Variants in SEMA3E observed in about 807,000 individuals in gnomAD.
SEMA3E encodes the protein semaphorin 3E.
SEMA3E carries 49 observed loss-of-function variants against 93.6 expected under a neutral mutation model. That is an observed-to-expected ratio of 0.52 (90% CI 0.42 to 0.66). SEMA3E has a LOEUF of 0.66. SEMA3E is among the 30% of genes least tolerant of loss of function. SEMA3E has a pLI of 0.00. For missense variants in SEMA3E, 906 were observed against 964.8 expected (o/e 0.94, Z 0.81); for synonymous variants, 363 against 330.7 (o/e 1.10, Z -1.06).
chr7:83,506,388 T>C (rs1449690435), intron 1 of SEMA3E, among the ~76,000 whole-genome samples: 2 of 152,068 alleles, frequency 1.3e-5, no homozygotes, highest in Admixed American at 1.3e-4. Context: ...ATATCACATC[T>C]CACTTATTTG....
intron 2 of SEMA3E, among the ~76,000 whole-genome samples, chr7:83,476,853 C>A (rs1437395171): frequency 6.6e-6 from 1 of 151,998 alleles, no homozygotes; most frequent in Non-Finnish European, 1.5e-5. Context: ...AATCTCTGTA[C>A]CAAAAAAGAT....
chr7:83,591,152 T>A (rs898210999), intron 1 of SEMA3E, among the ~76,000 whole-genome samples: 4 of 146,446 alleles, frequency 2.7e-5, no homozygotes, highest in Non-Finnish European at 3.0e-5. Flanking sequence ...AATAGATAAG[T>A]AAATGTTTAG....
intron 1 of SEMA3E, among the ~76,000 whole-genome samples, chr7:83,512,188 T>C: frequency 6.6e-6 from 1 of 152,136 alleles, no homozygotes; most frequent in East Asian, 1.9e-4. Flanking sequence ...TCCTCCACCC[T>C]CTGAATTGAT....
intron 1 of SEMA3E, among the ~76,000 whole-genome samples, chr7:83,648,195 A>G (rs1445508204): frequency 6.6e-6 from 1 of 152,012 alleles, no homozygotes; most frequent in African/African-American, 2.4e-5. Context: ...TTACAGACAA[A>G]AATAACATCT....
intron 5 of SEMA3E, among the ~76,000 whole-genome samples, chr7:83,411,209 C>A (rs1435732448): frequency 6.6e-6 from 1 of 151,988 alleles, no homozygotes; most frequent in Non-Finnish European, 1.5e-5. Flanking sequence ...CTAGATAATA[C>A]CATATTCAGA....
chr7:83,452,620 T>A (rs1477575571), intron 4 of SEMA3E, among the ~76,000 whole-genome samples: 1 of 152,204 alleles, frequency 6.6e-6, no homozygotes, highest in Non-Finnish European at 1.5e-5. Context: ...GAAGTCTACC[T>A]TTCTAATAGC....
chr7:83,405,796 T>C (rs1439803440), intron 8 of SEMA3E, 149 bp downstream of exon 8: 1 of 710,744 alleles, frequency 1.4e-6, no homozygotes, highest in Non-Finnish European at 2.4e-6. Context: ...CCAGCATGCG[T>C]GCCTGGCCAA....
Position 83,648,823 on chromosome 7 carries a change from G to A in SEMA3E, c.-281C>T. The A allele has an allele frequency of 2.6e-6, 1 of 380,030 alleles. No individual in the cohort carries two copies. Among genetic ancestry groups the A allele is most frequent in the Non-Finnish European group, 4.8e-6 (1 of 206,886 alleles). 23.5% of individuals were successfully genotyped at this position (380,030 alleles called of 1,614,324 possible). Reference sequence around the variant, plus strand: ...GTCTAGAGCGCTCTTCAGCAACTACGCCGGTAGATTCAGGAAGAAGCTGTA... The same window carrying A: ...GTCTAGAGCGCTCTTCAGCAACTACACCGGTAGATTCAGGAAGAAGCTGTA... On this transcript the variant is annotated 5_prime_UTR_variant, in exon 1 of 17. Coordinates refer to ENST00000643230, the MANE Select transcript of SEMA3E (RefSeq NM_012431.3).
At chr7:83,411,160 A>G (rs1788432272) in intron 5 of SEMA3E, among the ~76,000 whole-genome samples, 1 of 152,108 alleles carries the variant, frequency 6.6e-6, no homozygotes, top group East Asian at 1.9e-4. Context: ...ATTAACAAAC[A>G]AGTATTCCTT....
chr7:83,392,752 A>C, intron 13 of SEMA3E, 31 bp from the exon 14 acceptor site: 1 of 1,607,218 alleles, frequency 6.2e-7, no homozygotes, highest in East Asian at 2.2e-5. Context: ...TCACTAGCAG[A>C]AATGGACAAA....
Position 83,490,126 on chromosome 7 carries a change from G to GT in SEMA3E, c.263dup (p.Asp88GlufsTer4). On this transcript the variant is annotated frameshift_variant, in exon 2 of 17. Transcript: ENST00000643230. LOFTEE classifies it high-confidence loss of function. ...GATATTTCTATACCTCTTTATAGCC[G>GT]TCACTGATTCTCTCCAAGCTGAGGG... 1.2e-6 allele frequency: 2 copies of GT among 1,612,310 alleles called. No individual in the cohort carries two copies. The highest frequency in any genetic ancestry group is 1.7e-6 in the Non-Finnish European group (2 of 1,179,210).
chr7:83,431,103 A>AAAAAG lies in SEMA3E; in HGVS notation c.457-12625_457-12621dup, dbSNP rs1554324404. The stretch of plus-strand genomic sequence containing the variant: ...AAAAAAAGAAAAAAAAGAAAAAAAA[A>AAAAAG]AAAAGCCCAAGTGAACAGGTTTCTG... On this transcript the variant is annotated intron_variant, in intron 4 of 16. Transcript: ENST00000643230. 4.0e-3 allele frequency among the ~76,000 whole-genome samples: 590 copies of AAAAAG among 147,358 alleles called. 7 individuals are homozygous for AAAAAG. Among genetic ancestry groups the AAAAAG allele is most frequent in the South Asian group, 0.028 (134 of 4,736 alleles).
At chr7:83,510,720 T>G (rs1183268632) in intron 1 of SEMA3E, among the ~76,000 whole-genome samples, 2 of 152,196 alleles carry the variant, frequency 1.3e-5, no homozygotes, top group African/African-American at 4.8e-5. Flanking sequence ...CTCTATTTAT[T>G]AAAACCACAA....
intron 1 of SEMA3E, among the ~76,000 whole-genome samples, chr7:83,511,965 A>G (rs981331422): frequency 3.9e-5 from 6 of 152,208 alleles, no homozygotes; most frequent in African/African-American, 7.2e-5. Context: ...TTGTTGCAAC[A>G]TATGAAAAGT....
chr7:83,535,536 T>C lies in SEMA3E; in HGVS notation c.116-45262A>G, dbSNP rs955749462. Among the ~76,000 whole-genome samples the C allele has an allele frequency of 1.8e-4, 27 of 152,264 alleles. 2 individuals are homozygous for C. In the South Asian group the frequency reaches 3.1e-3, roughly 18 times the overall value. Reference sequence around the variant, plus strand: ...TTCTTAATGGTAATTTAGAGTCTATTCACACTTGCCTCAAAGACAGCATTA... The same window carrying C: ...TTCTTAATGGTAATTTAGAGTCTATCCACACTTGCCTCAAAGACAGCATTA... On this transcript the variant is annotated intron_variant, in intron 1 of 16. Coordinates refer to ENST00000643230, the MANE Select transcript of SEMA3E (RefSeq NM_012431.3).
intron 14 of SEMA3E, among the ~76,000 whole-genome samples, chr7:83,387,850 GT>G (rs202045678): frequency 0.094 from 13,335 of 142,074 alleles, 768 homozygotes; most frequent in East Asian, 0.15. Flanking sequence ...TTATATATAT[GT>G]TTATATATAT....
intron 1 of SEMA3E, among the ~76,000 whole-genome samples, chr7:83,518,601 G>A (rs1394622269): frequency 6.6e-6 from 1 of 152,064 alleles, no homozygotes; most frequent in Non-Finnish European, 1.5e-5. Flanking sequence ...TGCCTGATAG[G>A]ATTTTTGTGA....
At chr7:83,506,015 CAA>C (rs57051446) in intron 1 of SEMA3E, among the ~76,000 whole-genome samples, 1,159 of 87,344 alleles carry the variant, frequency 0.013, 15 homozygotes, top group African/African-American at 0.033. Context: ...ACTCCGTCTC[CAA>C]AAAAAAAAAA....
intron 4 of SEMA3E, among the ~76,000 whole-genome samples, chr7:83,436,176 A>ATG (rs763413481): frequency 1.1e-4 from 17 of 151,260 alleles, no homozygotes; most frequent in Admixed American, 6.6e-4. Flanking sequence ...TCTCTAACAT[A>ATG]TGTGTGTGTG....
Sources: gnomAD v4.1 joint callset for allele counts (sites outside exome capture counted in the v4.1 genomes callset) on GRCh38, gnomAD v4.1.1 for gene constraint, MANE v1.5 for transcripts, NCBI Gene and HGNC (gene_info 2026-07-23, HGNC 2026-07-21) for gene names.